Variants in FGGY observed in about 807,000 individuals in gnomAD.
FGGY encodes the protein FGGY carbohydrate kinase domain containing, also known as FGGY carbohydrate kinase domain-containing protein.
FGGY carries 72 observed loss-of-function variants against 71.3 expected under a neutral mutation model. The observed-to-expected ratio is 1.01, with a 90% CI of 0.84 to 1.23. The LOEUF is 1.23. FGGY is among the 50% of genes most tolerant of loss of function. The pLI, the probability that FGGY is intolerant of heterozygous loss-of-function variation, is 0.00. For missense variants in FGGY, 668 were observed against 682.3 expected (o/e 0.98, Z 0.23); for synonymous variants, 251 against 250.3 (o/e 1.00, Z -0.02).
intron 8 of FGGY, among the ~76,000 whole-genome samples, chr1:59,559,498 A>G (rs2095750715): frequency 6.6e-6 from 1 of 152,218 alleles, no homozygotes; most frequent in South Asian, 2.1e-4. Flanking sequence ...TAGTAAACAC[A>G]TATTTATTTC....
intron 5 of FGGY, among the ~76,000 whole-genome samples, chr1:59,436,160 T>A (rs1156997771): frequency 6.6e-6 from 1 of 152,158 alleles, no homozygotes; most frequent in Non-Finnish European, 1.5e-5. Flanking sequence ...CTCTTCACCC[T>A]CAATTGTCTG....
At chr1:59,730,724 C>A (rs192936810) in intron 14 of FGGY, among the ~76,000 whole-genome samples, 1 of 152,126 alleles carries the variant, frequency 6.6e-6, no homozygotes, top group South Asian at 2.1e-4. Flanking sequence ...GGACACATAC[C>A]TCATCTAGCC....
intron 5 of FGGY, among the ~76,000 whole-genome samples, chr1:59,399,686 C>T (rs2061712337): frequency 6.6e-6 from 1 of 152,102 alleles, no homozygotes; most frequent in Non-Finnish European, 1.5e-5. Flanking sequence ...TAGAGCTTTC[C>T]ATATAATATA....
chr1:59,419,788 A>T (rs1388507574), intron 5 of FGGY, among the ~76,000 whole-genome samples: 1 of 152,162 alleles, frequency 6.6e-6, no homozygotes, highest in Admixed American at 6.6e-5. Flanking sequence ...TGAATTATCC[A>T]TGTGGGCTTA....
In FGGY at chr1:59,578,602, G is replaced by T. The variant is rs540003575; in HGVS notation, c.903+24375G>T. Among the ~76,000 whole-genome samples the T allele has an allele frequency of 1.3e-4, 20 of 152,192 alleles. 1 individual carries two copies. In the South Asian group the frequency reaches 4.2e-3, roughly 32 times the overall value. ...TTATAATAGAGTGTACATATTTACT[G>T]CTAGAAGCTGGCCTGAGGACTTTTA... On this transcript the variant is annotated intron_variant, in intron 8 of 15. Transcript: ENST00000303721.
chr1:59,762,308 G>T (rs2006964), intron 15 of FGGY, among the ~76,000 whole-genome samples, 195 bp from the exon 16 acceptor site: 1 of 152,124 alleles, frequency 6.6e-6, no homozygotes, highest in Non-Finnish European at 1.5e-5. Context: ...CTAAATTGGA[G>T]ATAATAAAAC....
intron 5 of FGGY, among the ~76,000 whole-genome samples, chr1:59,424,485 T>C (rs1419067420): frequency 6.6e-6 from 1 of 152,148 alleles, no homozygotes; most frequent in Non-Finnish European, 1.5e-5. Context: ...AGGCAGAGGT[T>C]GCAGTGAGCC....
chr1:59,724,704 T>C (rs2097926414), intron 14 of FGGY, among the ~76,000 whole-genome samples: 1 of 152,216 alleles, frequency 6.6e-6, no homozygotes, highest in African/African-American at 2.4e-5. Flanking sequence ...GTCACTGCTG[T>C]TTTAATATGC....
intron 8 of FGGY, among the ~76,000 whole-genome samples, chr1:59,574,416 A>G (rs2096043602): frequency 6.6e-6 from 1 of 151,978 alleles, no homozygotes; most frequent in Admixed American, 6.6e-5. Context: ...TCATGTCAGG[A>G]TCCTTAATCA....
chr1:59,589,623 A>T (rs985367488), intron 8 of FGGY, among the ~76,000 whole-genome samples: 2 of 152,262 alleles, frequency 1.3e-5, no homozygotes, highest in African/African-American at 2.4e-5. Flanking sequence ...AGAACTCAGG[A>T]TTCAGAAACT....
At chr1:59,593,672 A>G (rs2096484997) in intron 8 of FGGY, among the ~76,000 whole-genome samples, 1 of 152,210 alleles carries the variant, frequency 6.6e-6, no homozygotes. Context: ...CTGATATTAT[A>G]CTAAGAACTT....
intron 6 of FGGY, among the ~76,000 whole-genome samples, chr1:59,493,888 T>TA (rs2093955811): frequency 6.6e-6 from 1 of 152,198 alleles, no homozygotes; most frequent in African/African-American, 2.4e-5. Flanking sequence ...TTGGGGGAGA[T>TA]AGAGACTAAT....
chr1:59,442,166 C>G (rs1316436234), intron 5 of FGGY, among the ~76,000 whole-genome samples: 2 of 152,200 alleles, frequency 1.3e-5, no homozygotes, highest in Non-Finnish European at 2.9e-5. Flanking sequence ...GGTTCCAACT[C>G]TAGCTCTACC....
chr1:59,405,001 T>C (rs1251245357), intron 5 of FGGY, among the ~76,000 whole-genome samples: 1 of 152,226 alleles, frequency 6.6e-6, no homozygotes, highest in East Asian at 1.9e-4. Flanking sequence ...GTATGCCTGG[T>C]GAAATCACGA....
chr1:59,311,632 C>T (rs1393268552), intron 1 of FGGY, among the ~76,000 whole-genome samples: 1 of 152,146 alleles, frequency 6.6e-6, no homozygotes, highest in Non-Finnish European at 1.5e-5. Flanking sequence ...TTTCTTTATC[C>T]AGTCTATCAT....
chr1:59,631,238 A>C (rs2096905821), intron 10 of FGGY, among the ~76,000 whole-genome samples: 1 of 152,088 alleles, frequency 6.6e-6, no homozygotes, highest in Non-Finnish European at 1.5e-5. Context: ...GACCATTAAC[A>C]TTAATTTTTG....
rs185465728 is a variant in FGGY at position 59,589,056 on chromosome 1, A to G, written c.904-18747A>G. ...TATTCAGGAAACCCAGCTCACATGC[A>G]GAGACACACATAGGCTCAAAATAAA... is the stretch of plus-strand genomic sequence containing the variant. On this transcript the variant is annotated intron_variant, in intron 8 of 15. Coordinates refer to ENST00000303721, the MANE Select transcript of FGGY (RefSeq NM_018291.5). Among the ~76,000 whole-genome samples, 728 of 152,350 alleles carry G rather than the reference A, an allele frequency of 4.8e-3. 4 individuals are homozygous for G. Among genetic ancestry groups the G allele is most frequent in the Non-Finnish European group, 7.9e-3 (537 of 68,026 alleles).
intron 11 of FGGY, among the ~76,000 whole-genome samples, chr1:59,643,019 A>AGTGAGAC (rs1420330278): frequency 1.4e-5 from 2 of 146,902 alleles, no homozygotes; most frequent in African/African-American, 5.1e-5. Flanking sequence ...TGGGTGACAG[A>AGTGAGAC]GTGAGACTCC....
chr1:59,563,020 T>C (rs2095817387), intron 8 of FGGY, among the ~76,000 whole-genome samples: 1 of 152,258 alleles, frequency 6.6e-6, no homozygotes, highest in Non-Finnish European at 1.5e-5. Context: ...GTTTTCTAAA[T>C]ATACAATTAT....
Sources: allele counts gnomAD v4.1 joint callset (sites outside exome capture counted in the v4.1 genomes callset), GRCh38; gene constraint gnomAD v4.1.1; transcripts MANE v1.5; gene names NCBI Gene and HGNC (gene_info 2026-07-23, HGNC 2026-07-21).